Variants in ADAM18 observed in about 807,000 individuals in gnomAD.
ADAM18 encodes the protein ADAM metallopeptidase domain 18, also known as disintegrin and metalloproteinase domain-containing protein 18.
Under a neutral mutation model 94.4 loss-of-function variants are expected in ADAM18, and 117 were observed. That is an observed-to-expected ratio of 1.24 (90% CI 1.07 to 1.45). ADAM18 has a LOEUF of 1.45. Ranked by LOEUF, ADAM18 falls within the 40% of genes most tolerant of loss-of-function variation. The probability of loss-of-function intolerance (pLI) is 0.00; values close to 1 mark genes in which losing one functional copy is unlikely to be tolerated. For missense variants in ADAM18, 936 were observed against 880.0 expected, an observed-to-expected ratio of 1.06 and a Z score of -0.81; for synonymous variants, 327 against 291.6, an observed-to-expected ratio of 1.12 and a Z score of -1.24.
chr8:39,624,894 A>G (rs1819719118), intron 6 of ADAM18, among the ~76,000 whole-genome samples: 1 of 152,190 alleles, frequency 6.6e-6, no homozygotes, highest in South Asian at 2.1e-4. Flanking sequence ...GTTTCCCAGA[A>G]GCTGTCATGC....
At chr8:39,717,138 G>A (rs1822601324) in intron 18 of ADAM18, among the ~76,000 whole-genome samples, 1 of 151,602 alleles carries the variant, frequency 6.6e-6, no homozygotes, top group Admixed American at 6.6e-5. Context: ...TCTGTGATTA[G>A]CTACTTGTGG....
chr8:39,605,117 T>G (rs1466242313), intron 2 of ADAM18, among the ~76,000 whole-genome samples: 1 of 152,194 alleles, frequency 6.6e-6, no homozygotes, highest in Non-Finnish European at 1.5e-5. Context: ...TGCTCCTTTT[T>G]CTTTCTGCCA....
rs558769075 is a variant in ADAM18 at position 39,680,205 on chromosome 8, C to T, written c.1800C>T (p.Gly600=). ...CAGACAATGCCTATGTGGCTGATGG[C>T]ACCATGTGTGGTCCAGAAATGGTAA... ...DGTDNAYVAD[G]TMCGPEMYCV... is the part of the protein sequence containing the mutation. The change falls in exon 16 of 20, where the codon GGC becomes GGT. Residue 600 remains glycine, a synonymous_variant. Transcript: ENST00000265707. The T allele has an allele frequency of 3.3e-5, 54 of 1,612,478 alleles. No individual in the cohort carries two copies. In the South Asian group the frequency reaches 5.6e-4, roughly 17 times the overall value.
Position 39,680,177 on chromosome 8 carries a change from G to T in ADAM18, c.1772G>T (p.Gly591Val). ...IATGSSMRSD[G>V]TDNAYVADGT... ...ACTGGTTCCTCCATGAGATCAGATG[G>T]AACAGACAATGCCTATGTGGCTGAT... is the stretch of plus-strand genomic sequence containing the variant. Residue 591 changes from glycine to valine, a missense_variant, in exon 16 of 20, where the codon GGA (glycine) becomes GTA (valine). Coordinates refer to ENST00000265707, the MANE Select transcript of ADAM18 (RefSeq NM_014237.3). 6.2e-7 allele frequency: 1 copy of T among 1,613,772 alleles called. No individual in the cohort carries two copies.
At chr8:39,675,261 A>G (rs780263141) in intron 14 of ADAM18, among the ~76,000 whole-genome samples, 6 of 152,176 alleles carry the variant, frequency 3.9e-5, no homozygotes, top group Non-Finnish European at 5.9e-5. Context: ...AGGCACACCA[A>G]TCAAATGTAG....
At position 39,680,027 on chromosome 8, in the gene ADAM18, C is replaced by T; in HGVS notation, c.1632-10C>T. On this transcript the variant is annotated splice_polypyrimidine_tract_variant and intron_variant, in intron 15 of 19. Transcript: ENST00000265707. ...AAACTGATAAGGAACTTTTTGCTTT[C>T]CACTTCCAGGGATGTTCTCTGTGGA... 1 of 1,610,374 alleles carries T rather than the reference C, an allele frequency of 6.2e-7. No homozygotes were observed. Among genetic ancestry groups the T allele is most frequent in the Non-Finnish European group, 8.5e-7 (1 of 1,179,008 alleles).
intron 12 of ADAM18, among the ~76,000 whole-genome samples, chr8:39,655,489 A>G (rs1466703973): frequency 1.3e-5 from 2 of 152,272 alleles, no homozygotes; most frequent in Admixed American, 6.5e-5. Flanking sequence ...TTTTGAGAAA[A>G]AAAGGAAAAG....
At position 39,707,063 on chromosome 8, in the gene ADAM18, A is replaced by G. The variant is rs1341087020; in HGVS notation, c.2017+159A>G. ...TCTAAAACCCTCAGTGGATGCCTGA[A>G]ACTGTAGATAGCACCAAGCTCTAAA... is the stretch of plus-strand genomic sequence containing the variant. On this transcript the variant is annotated intron_variant, in intron 18 of 19. Coordinates refer to ENST00000265707, the MANE Select transcript of ADAM18 (RefSeq NM_014237.3). 2.6e-5 allele frequency among the ~76,000 whole-genome samples: 4 copies of G among 152,208 alleles called. No homozygotes were observed. The South Asian group carries it at 8.3e-4, about 32-fold the overall frequency.
Position 39,707,859 on chromosome 8 carries a change from A to G in ADAM18, c.2017+955A>G, listed in dbSNP as rs368676837. ...AGAGTATTCACCCTTTTCCTTAAGG[A>G]AAGAATTTTTGGCTTCTCTTTGGCA... On this transcript the variant is annotated intron_variant, in intron 18 of 19. Coordinates refer to ENST00000265707, the MANE Select transcript of ADAM18 (RefSeq NM_014237.3). Among the ~76,000 whole-genome samples, 4 of 152,292 alleles carry G rather than the reference A, an allele frequency of 2.6e-5. No homozygotes were observed. In the East Asian group the frequency reaches 5.8e-4, roughly 22 times the overall value.
At chr8:39,675,861 T>G (rs1180361470) in intron 14 of ADAM18, among the ~76,000 whole-genome samples, 1 of 152,226 alleles carries the variant, frequency 6.6e-6, no homozygotes, top group South Asian at 2.1e-4. Context: ...TGTTTGTTAG[T>G]TTTCCTTCTA....
chr8:39,639,374 C>A (rs1377063192), intron 10 of ADAM18, among the ~76,000 whole-genome samples: 1 of 151,922 alleles, frequency 6.6e-6, no homozygotes, highest in Non-Finnish European at 1.5e-5. Context: ...CTTCCCTGCT[C>A]TATTTTGCTC....
chr8:39,601,072 G>T (rs551296453), intron 2 of ADAM18, among the ~76,000 whole-genome samples: 1 of 152,310 alleles, frequency 6.6e-6, no homozygotes, highest in South Asian at 2.1e-4. Context: ...GGCCAGAGCA[G>T]GAGGAAGAGA....
At position 39,636,234 on chromosome 8, in the gene ADAM18, C is replaced by T. The variant is rs140606866; in HGVS notation, c.589-1030C>T. Reference sequence around the variant, plus strand: ...ATGAAGTCTCACCATGTTGTCCACGCCTCAGTCTCCCAAAGTGTTGGGGTT... The same window carrying T: ...ATGAAGTCTCACCATGTTGTCCACGTCTCAGTCTCCCAAAGTGTTGGGGTT... On this transcript the variant is annotated intron_variant, in intron 7 of 19. Transcript: ENST00000265707. Among the ~76,000 whole-genome samples the T allele has an allele frequency of 2.6e-3, 392 of 152,114 alleles. 5 individuals carry two copies. Among genetic ancestry groups the T allele is most frequent in the African/African-American group, 9.1e-3 (377 of 41,494 alleles).
intron 17 of ADAM18, among the ~76,000 whole-genome samples, chr8:39,705,260 G>A (rs139269135): frequency 8.1e-4 from 124 of 152,168 alleles, no homozygotes; most frequent in African/African-American, 2.9e-3. Flanking sequence ...CTCTTTGAAA[G>A]CCAATTGTTA....
At chr8:39,682,361 G>A (rs530021226) in intron 16 of ADAM18, among the ~76,000 whole-genome samples, 19 of 152,246 alleles carry the variant, frequency 1.2e-4, no homozygotes, top group East Asian at 9.7e-4. Context: ...TTGAGAAACC[G>A]CCAGTAAAGA....
chr8:39,697,359 T>C (rs1272881735), intron 17 of ADAM18, among the ~76,000 whole-genome samples: 1 of 151,664 alleles, frequency 6.6e-6, no homozygotes, highest in Non-Finnish European at 1.5e-5. Flanking sequence ...TTTTTATTTC[T>C]TTTTCTTGCC....
intron 17 of ADAM18, among the ~76,000 whole-genome samples, chr8:39,700,423 G>A (rs1189688723): frequency 6.6e-6 from 1 of 152,032 alleles, no homozygotes; most frequent in Non-Finnish European, 1.5e-5. Flanking sequence ...AAATTGATAT[G>A]AGAATATTCA....
At chr8:39,598,434 A>G (rs1211200984) in intron 2 of ADAM18, among the ~76,000 whole-genome samples, 1 of 151,876 alleles carries the variant, frequency 6.6e-6, no homozygotes, top group Non-Finnish European at 1.5e-5. Context: ...TGCTATTCTT[A>G]GTTTGCTGAA....
intron 14 of ADAM18, among the ~76,000 whole-genome samples, chr8:39,675,528 C>CT (rs1275178198): frequency 6.6e-6 from 1 of 152,138 alleles, no homozygotes; most frequent in African/African-American, 2.4e-5. Flanking sequence ...TTCATCTAAT[C>CT]TTTTTTCAAG....
Sources: gnomAD v4.1 joint callset for allele counts (sites outside exome capture counted in the v4.1 genomes callset) on GRCh38, gnomAD v4.1.1 for gene constraint, MANE v1.5 for transcripts, NCBI Gene and HGNC (gene_info 2026-07-23, HGNC 2026-07-21) for gene names.